Variants in SERGEF observed in about 807,000 individuals in gnomAD.
SERGEF encodes secretion-regulating guanine nucleotide exchange factor.
In SERGEF, 51 loss-of-function variants were observed where a neutral mutation model predicts 50.0. The ratio of observed to expected loss-of-function variants is 1.02; its 90% CI spans 0.81 to 1.29. The LOEUF (loss-of-function observed/expected upper bound fraction) is 1.29. SERGEF is among the 50% of genes most tolerant of loss of function. The probability of loss-of-function intolerance (pLI) is 0.00; values close to 1 mark genes in which losing one functional copy is unlikely to be tolerated. For synonymous variants in SERGEF, 205 were observed against 212.4 expected (o/e 0.97, Z 0.30); for missense variants, 521 against 557.0 (o/e 0.94, Z 0.65).
At chr11:17,902,072 G>T (rs1241689096) in intron 9 of SERGEF, among the ~76,000 whole-genome samples, 1 of 152,184 alleles carries the variant, frequency 6.6e-6, no homozygotes, top group East Asian at 1.9e-4. Context: ...TACTTTGTTG[G>T]ACAGATAAAA....
intron 10 of SERGEF, among the ~76,000 whole-genome samples, chr11:17,848,214 G>C (rs148195003): frequency 1.3e-5 from 2 of 152,176 alleles, no homozygotes; most frequent in African/African-American, 2.4e-5. Flanking sequence ...ATATGTGTTA[G>C]AGCCAAGTTA....
chr11:17,989,232 A>C (rs111727294), intron 7 of SERGEF, among the ~76,000 whole-genome samples: 1 of 152,382 alleles, frequency 6.6e-6, no homozygotes, highest in African/African-American at 2.4e-5. Flanking sequence ...ATATAATGCT[A>C]TAGAATCGCA....
intron 8 of SERGEF, among the ~76,000 whole-genome samples, chr11:17,965,929 T>C (rs1471902109): frequency 6.6e-6 from 1 of 152,206 alleles, no homozygotes; most frequent in Non-Finnish European, 1.5e-5. Context: ...AAGGATACTT[T>C]TCCATAAAGC....
intron 10 of SERGEF, among the ~76,000 whole-genome samples, chr11:17,859,928 A>G (rs1850896583): frequency 6.6e-6 from 1 of 152,238 alleles, no homozygotes; most frequent in South Asian, 2.1e-4. Context: ...CGGGAAAGGT[A>G]CTGAGTCCTG....
At chr11:17,872,140 C>A (rs1851150755) in intron 10 of SERGEF, among the ~76,000 whole-genome samples, 1 of 152,142 alleles carries the variant, frequency 6.6e-6, no homozygotes, top group South Asian at 2.1e-4. Flanking sequence ...ACAAAAGAAG[C>A]CAAACACCAT....
At chr11:17,902,834 G>A (rs1301870023) in intron 9 of SERGEF, among the ~76,000 whole-genome samples, 3 of 152,112 alleles carry the variant, frequency 2.0e-5, no homozygotes, top group Non-Finnish European at 4.4e-5. Context: ...AGAAGACAAG[G>A]GACAAGGGAT....
chr11:17,805,865 T>C (rs1326185271), intron 10 of SERGEF, among the ~76,000 whole-genome samples: 2 of 152,200 alleles, frequency 1.3e-5, no homozygotes, highest in East Asian at 1.9e-4. Flanking sequence ...GTGAGGCTCA[T>C]GGAAGAGTGA....
At chr11:17,952,038 C>G (rs1289125668) in intron 9 of SERGEF, among the ~76,000 whole-genome samples, 1 of 152,226 alleles carries the variant, frequency 6.6e-6, no homozygotes, top group Non-Finnish European at 1.5e-5. Context: ...AGCCAACCAA[C>G]ATGAGCTCTC....
chr11:17,798,882 G>C (rs890709738), intron 10 of SERGEF, among the ~76,000 whole-genome samples: 1 of 152,244 alleles, frequency 6.6e-6, no homozygotes, highest in Non-Finnish European at 1.5e-5. Context: ...AACAGGCTGG[G>C]AGAGGTCCAG....
At position 17,917,994 on chromosome 11, in the gene SERGEF, T is replaced by TG. The variant is rs1852080539; in HGVS notation, c.1012-39751_1012-39750insC. ...GGCACTGTCCTTTACACAGATTACCTTGTTCATCCTCATTATGCCTGTGGT... is the reference window on the plus strand; with the variant it reads ...GGCACTGTCCTTTACACAGATTACCTGTGTTCATCCTCATTATGCCTGTGGT... On this transcript the variant is annotated intron_variant, in intron 9 of 10. Transcript: ENST00000265965. Among the ~76,000 whole-genome samples the TG allele has an allele frequency of 2.0e-5, 3 of 152,358 alleles. No individual in the cohort carries two copies. In the South Asian group the frequency reaches 6.2e-4, roughly 32 times the overall value.
intron 6 of SERGEF, among the ~76,000 whole-genome samples, chr11:17,994,909 C>T (rs1381332852): frequency 6.6e-6 from 1 of 152,110 alleles, no homozygotes; most frequent in Non-Finnish European, 1.5e-5. Context: ...CCTCAAAAAT[C>T]CCTGATTTGT....
intron 10 of SERGEF, among the ~76,000 whole-genome samples, chr11:17,793,776 T>G (rs998242434): frequency 6.6e-6 from 1 of 152,150 alleles, no homozygotes; most frequent in Admixed American, 6.5e-5. Flanking sequence ...GAGCCCCATA[T>G]TTACAGAGGG....
At chr11:17,857,144 A>G (rs935028498) in intron 10 of SERGEF, among the ~76,000 whole-genome samples, 1 of 152,146 alleles carries the variant, frequency 6.6e-6, no homozygotes, top group Non-Finnish European at 1.5e-5. Context: ...GGACCTTTGG[A>G]GCTCACCTCT....
At chr11:17,944,831 T>C (rs1028371064) in intron 9 of SERGEF, among the ~76,000 whole-genome samples, 1 of 152,224 alleles carries the variant, frequency 6.6e-6, no homozygotes, top group Non-Finnish European at 1.5e-5. Flanking sequence ...TTTCCAAATA[T>C]CTACTTCATT....
rs1448353430 is a variant in SERGEF, at chr11:17,926,713, C to T, written c.1011+32757G>A. The T allele has an allele frequency of 2.0e-5, 9 of 455,540 alleles. No individual in the cohort carries two copies. The East Asian group carries it at 3.5e-4, about 18-fold the overall frequency. 28.2% of individuals were successfully genotyped at this position (455,540 alleles called of 1,614,324 possible). A position where few individuals can be genotyped will look rare whatever the true frequency, so the allele number is the denominator to read the frequency against. On this transcript the variant is annotated intron_variant, in intron 9 of 10. Coordinates refer to ENST00000265965, the MANE Select transcript of SERGEF (RefSeq NM_012139.4). ...CTATCTGAATCCCCACCTAATAAAC[C>T]GTTTCACCAAGACCAGAGTCCTACC...
chr11:17,972,083 G>A (rs1187512541), intron 8 of SERGEF, among the ~76,000 whole-genome samples: 1 of 152,226 alleles, frequency 6.6e-6, no homozygotes, highest in Non-Finnish European at 1.5e-5. Flanking sequence ...TAGGGTTGAG[G>A]AGTTGCTTCT....
chr11:17,970,005 T>C (rs1047259039), intron 8 of SERGEF, among the ~76,000 whole-genome samples: 29 of 152,236 alleles, frequency 1.9e-4, no homozygotes, highest in Admixed American at 5.2e-4. Flanking sequence ...AATAGTGAGT[T>C]AGAAGTAAGA....
intron 10 of SERGEF, among the ~76,000 whole-genome samples, chr11:17,839,951 T>C (rs1850471068): frequency 1.3e-5 from 2 of 152,254 alleles, no homozygotes. Flanking sequence ...CATCTGTCCT[T>C]GGCAGATTTG....
chr11:17,873,897 A>G (rs945165631), intron 10 of SERGEF, among the ~76,000 whole-genome samples: 3 of 152,248 alleles, frequency 2.0e-5, no homozygotes, highest in African/African-American at 7.2e-5. Context: ...CAAATTGCCA[A>G]TTCAAGCCAA....
Sources: allele counts gnomAD v4.1 joint callset (sites outside exome capture counted in the v4.1 genomes callset), GRCh38; gene constraint gnomAD v4.1.1; transcripts MANE v1.5; gene names NCBI Gene and HGNC (gene_info 2026-07-23, HGNC 2026-07-21).